ASTN2: variants seen among roughly 807,000 people sequenced by gnomAD.
ASTN2 encodes the protein astrotactin-2.
ASTN2 carries 54 observed loss-of-function variants against 139.8 expected under a neutral mutation model. The observed-to-expected ratio is 0.39, with a 90% CI of 0.31 to 0.48. The LOEUF (loss-of-function observed/expected upper bound fraction) is 0.48, where lower values mean the gene tolerates loss of function less well. Ranked by LOEUF, ASTN2 falls within the 20% of genes least tolerant of loss-of-function variation. ASTN2 has a pLI of 0.95. For missense variants in ASTN2, 1,565 were observed against 1,725.1 expected (o/e 0.91, Z 1.64); for synonymous variants, 756 against 719.5 (o/e 1.05, Z -0.81).
At chr9:117,402,374 AT>A (rs1443381743) in intron 1 of ASTN2, among the ~76,000 whole-genome samples, 4 of 152,198 alleles carry the variant, frequency 2.6e-5, no homozygotes, top group South Asian at 2.1e-4. Context: ...CCTGAAAATC[AT>A]TTAAGAAGCA....
chr9:116,624,492 T>C (rs1856339480), intron 17 of ASTN2, among the ~76,000 whole-genome samples: 2 of 152,178 alleles, frequency 1.3e-5, no homozygotes, highest in Admixed American at 6.5e-5. Context: ...TAGAAGGCTA[T>C]GAGAATACAG....
At chr9:116,951,615 C>T (rs1238819128) in intron 10 of ASTN2, among the ~76,000 whole-genome samples, 1 of 152,042 alleles carries the variant, frequency 6.6e-6, no homozygotes, top group African/African-American at 2.4e-5. Flanking sequence ...GGAAGCAAGC[C>T]ACACTCTAGA....
chr9:116,562,946 G>A (rs988792439), intron 19 of ASTN2, among the ~76,000 whole-genome samples: 1 of 152,096 alleles, frequency 6.6e-6, no homozygotes. Flanking sequence ...AGACACAGAG[G>A]TGACCAAGAG....
chr9:116,937,993 A>T (rs1564350041), intron 10 of ASTN2, among the ~76,000 whole-genome samples: 1 of 152,194 alleles, frequency 6.6e-6, no homozygotes, highest in East Asian at 1.9e-4. Flanking sequence ...TTTCTCGGCA[A>T]CCTTTGTGAG....
At chr9:116,876,142 C>A (rs966830828) in intron 10 of ASTN2, among the ~76,000 whole-genome samples, 1 of 152,096 alleles carries the variant, frequency 6.6e-6, no homozygotes, top group Non-Finnish European at 1.5e-5. Flanking sequence ...GAGAGGAGGT[C>A]AAAATATCAA....
intron 2 of ASTN2, among the ~76,000 whole-genome samples, chr9:117,253,237 A>C (rs1180803372): frequency 6.6e-6 from 1 of 152,096 alleles, no homozygotes; most frequent in Admixed American, 6.6e-5. Context: ...CCATTTGTTC[A>C]AAGGGGCTAC....
chr9:116,727,937 C>T (rs761585323), intron 15 of ASTN2, among the ~76,000 whole-genome samples: 1 of 152,134 alleles, frequency 6.6e-6, no homozygotes, highest in Non-Finnish European at 1.5e-5. Context: ...AGGGTGAAAT[C>T]CTCCAATTCC....
At chr9:116,532,321 C>T (rs1226339337) in intron 19 of ASTN2, among the ~76,000 whole-genome samples, 2 of 152,182 alleles carry the variant, frequency 1.3e-5, no homozygotes, top group African/African-American at 4.8e-5. Flanking sequence ...TGCTTGTTCA[C>T]TCTGATGGTA....
At chr9:116,847,782 T>C (rs1325798279) in intron 11 of ASTN2, among the ~76,000 whole-genome samples, 4 of 152,252 alleles carry the variant, frequency 2.6e-5, no homozygotes, top group Admixed American at 2.6e-4. Flanking sequence ...CGCTGCCTTT[T>C]ACAATGTGTT....
At chr9:116,803,481 AATATATATATATATATATATAT>A (rs1168011369) in intron 13 of ASTN2, among the ~76,000 whole-genome samples, 1 of 80,110 alleles carries the variant, frequency 1.2e-5, no homozygotes, top group African/African-American at 4.1e-5. Context: ...AAGTTCGAAT[AATATATATATATATATATATAT>A]ATATATATAT....
chr9:116,484,646 C>T (rs774500179), intron 20 of ASTN2, among the ~76,000 whole-genome samples: 3 of 152,124 alleles, frequency 2.0e-5, no homozygotes, highest in Non-Finnish European at 4.4e-5. Context: ...CAGAGCGGCC[C>T]GGATCCCAGG....
intron 1 of ASTN2, among the ~76,000 whole-genome samples, chr9:117,323,085 T>G (rs1414921613): frequency 6.6e-6 from 1 of 152,152 alleles, no homozygotes; most frequent in Non-Finnish European, 1.5e-5. Flanking sequence ...GATGTTAGAT[T>G]GACAGTCCTG....
At chr9:116,918,865 A>C (rs1834523609) in intron 10 of ASTN2, among the ~76,000 whole-genome samples, 1 of 152,244 alleles carries the variant, frequency 6.6e-6, no homozygotes. Context: ...TGAGTCAAAC[A>C]ATATTTATAT....
At chr9:116,806,155 C>T (rs1831023667) in intron 12 of ASTN2, among the ~76,000 whole-genome samples, 1 of 152,198 alleles carries the variant, frequency 6.6e-6, no homozygotes, top group Non-Finnish European at 1.5e-5. Flanking sequence ...GAATCATCAA[C>T]TAGTGTCTCA....
At chr9:117,113,835 A>T (rs1312816511) in intron 4 of ASTN2, among the ~76,000 whole-genome samples, 1 of 152,202 alleles carries the variant, frequency 6.6e-6, no homozygotes, top group East Asian at 1.9e-4. Flanking sequence ...AACAAAAAGC[A>T]GATCTGTGGT....
intron 4 of ASTN2, among the ~76,000 whole-genome samples, chr9:117,129,660 C>T (rs1269423628): frequency 2.0e-5 from 3 of 151,894 alleles, no homozygotes; most frequent in Non-Finnish European, 2.9e-5. Context: ...AAAATGTCTC[C>T]CACTTGGACT....
intron 5 of ASTN2, among the ~76,000 whole-genome samples, chr9:117,046,927 T>A (rs1838763762): frequency 6.6e-6 from 1 of 152,200 alleles, no homozygotes; most frequent in Non-Finnish European, 1.5e-5. Flanking sequence ...TCTAGCAAAC[T>A]GATTCACTCA....
At chr9:116,609,945 A>T (rs577976458) in intron 19 of ASTN2, among the ~76,000 whole-genome samples, 11 of 152,196 alleles carry the variant, frequency 7.2e-5, no homozygotes, top group African/African-American at 2.6e-4. Context: ...CAAACACTAA[A>T]TTTTTTTAAA....
intron 1 of ASTN2, among the ~76,000 whole-genome samples, chr9:117,339,763 G>T (rs1485656034): frequency 6.6e-6 from 1 of 151,964 alleles, no homozygotes; most frequent in Non-Finnish European, 1.5e-5. Flanking sequence ...GAGGAAGAAG[G>T]TGAAGGAAGA....
Sources: allele counts gnomAD v4.1 joint callset (sites outside exome capture counted in the v4.1 genomes callset), GRCh38; gene constraint gnomAD v4.1.1; transcripts MANE v1.5; gene names NCBI Gene and HGNC (gene_info 2026-07-23, HGNC 2026-07-21).